The following TAFA2 variants were observed in gnomAD, a reference collection of about 807,000 sequenced individuals.
TAFA2 encodes the protein TAFA chemokine like family member 2, also known as chemokine-like protein TAFA-2.
Under a neutral mutation model 18.8 loss-of-function variants are expected in TAFA2, and 7 were observed. The observed-to-expected ratio is 0.37, with a 90% CI of 0.21 to 0.70. The LOEUF (loss-of-function observed/expected upper bound fraction) is 0.70, where lower values mean the gene tolerates loss of function less well. Among genes scored for constraint, TAFA2 ranks in the 30% least tolerant of loss-of-function variants. The probability of loss-of-function intolerance (pLI) is 0.53; values close to 1 mark genes in which losing one functional copy is unlikely to be tolerated. For missense variants in TAFA2, 122 were observed against 158.1 expected (o/e 0.77, Z 1.23); for synonymous variants, 60 against 54.2 (o/e 1.11, Z -0.47).
intron 1 of TAFA2, among the ~76,000 whole-genome samples, chr12:62,102,420 G>A (rs910769162): frequency 6.6e-6 from 1 of 152,156 alleles, no homozygotes; most frequent in Non-Finnish European, 1.5e-5. Context: ...CATTTATTAA[G>A]ATCAAGTTAA....
intron 4 of TAFA2, among the ~76,000 whole-genome samples, chr12:61,747,997 C>A (rs1449350014): frequency 6.6e-6 from 1 of 151,964 alleles, no homozygotes; most frequent in African/African-American, 2.4e-5. Context: ...TTCAAGTTAG[C>A]AGCGGCTATC....
chr12:61,940,241 C>A (rs979854390), intron 1 of TAFA2, among the ~76,000 whole-genome samples: 12 of 152,134 alleles, frequency 7.9e-5, no homozygotes, highest in Non-Finnish European at 1.8e-4. Flanking sequence ...GCCCAGACAC[C>A]CAGTGCTTGG....
intron 2 of TAFA2, among the ~76,000 whole-genome samples, chr12:61,768,184 C>T (rs946700236): frequency 6.6e-6 from 1 of 151,380 alleles, no homozygotes; most frequent in African/African-American, 2.4e-5. Flanking sequence ...GGGAGAGAAC[C>T]AGGCACACAA....
chr12:61,944,304 A>G (rs1374494113), intron 1 of TAFA2, among the ~76,000 whole-genome samples: 4 of 151,486 alleles, frequency 2.6e-5, no homozygotes, highest in African/African-American at 4.9e-5. Flanking sequence ...CATTCAAAGC[A>G]GTGTGTAGAG....
At chr12:61,756,198 T>C (rs1869259488) in intron 2 of TAFA2, among the ~76,000 whole-genome samples, 1 of 152,118 alleles carries the variant, frequency 6.6e-6, no homozygotes, top group Non-Finnish European at 1.5e-5. Flanking sequence ...CCTCTTATCC[T>C]TCTGTGTGAG....
chr12:62,119,603 C>T (rs1341662463), intron 1 of TAFA2, among the ~76,000 whole-genome samples: 1 of 152,174 alleles, frequency 6.6e-6, no homozygotes, highest in Non-Finnish European at 1.5e-5. Flanking sequence ...TTTGTATTAG[C>T]TCTTTTGAAC....
chr12:62,093,310 C>T (rs938304897), intron 1 of TAFA2, among the ~76,000 whole-genome samples: 1 of 151,904 alleles, frequency 6.6e-6, no homozygotes, highest in Non-Finnish European at 1.5e-5. Context: ...TTGTAAGAGA[C>T]TCTGTGTACA....
At chr12:61,849,081 C>T (rs1484029811) in intron 2 of TAFA2, among the ~76,000 whole-genome samples, 2 of 152,032 alleles carry the variant, frequency 1.3e-5, no homozygotes, top group Non-Finnish European at 2.9e-5. Context: ...TGACCTCAGG[C>T]GATCCACCCT....
chr12:61,844,273 A>T (rs1873311038), intron 2 of TAFA2, among the ~76,000 whole-genome samples: 1 of 152,150 alleles, frequency 6.6e-6, no homozygotes, highest in African/African-American at 2.4e-5. Flanking sequence ...AATAAGATTG[A>T]CATATTTCTA....
Position 61,735,899 on chromosome 12 carries a change from C to T in TAFA2, c.384+17723G>A, listed in dbSNP as rs141873192. 2.6e-3 allele frequency among the ~76,000 whole-genome samples: 388 copies of T among 152,030 alleles called. 4 individuals carry two copies. The highest frequency in any genetic ancestry group is 8.4e-3 in the African/African-American group (349 of 41,456). On this transcript the variant is annotated intron_variant, in intron 4 of 4. Coordinates refer to ENST00000416284, the MANE Select transcript of TAFA2 (RefSeq NM_178539.5). ...TTGTGAGACTGGGGCCATAATCTTT[C>T]CAGAGAAGAATTACATTTGCTTTTG...
chr12:61,728,650 C>T (rs201245889), intron 4 of TAFA2, among the ~76,000 whole-genome samples: 1 of 132,186 alleles, frequency 7.6e-6, no homozygotes, highest in Non-Finnish European at 1.7e-5. Flanking sequence ...TTGAAGACAG[C>T]AGATACTTGG....
chr12:61,815,954 T>C (rs897924110), intron 2 of TAFA2, among the ~76,000 whole-genome samples: 2 of 151,154 alleles, frequency 1.3e-5, no homozygotes, highest in African/African-American at 4.9e-5. Flanking sequence ...AATTATAATA[T>C]AGGAAGGGAG....
intron 2 of TAFA2, among the ~76,000 whole-genome samples, chr12:61,854,916 T>C (rs1873821354): frequency 6.6e-6 from 1 of 152,138 alleles, no homozygotes; most frequent in South Asian, 2.1e-4. Context: ...TGTATCATCA[T>C]ATGTAAGAGA....
At chr12:61,783,362 C>G (rs985666643) in intron 2 of TAFA2, among the ~76,000 whole-genome samples, 1 of 151,604 alleles carries the variant, frequency 6.6e-6, no homozygotes, top group African/African-American at 2.4e-5. Context: ...TTATACAGGA[C>G]AGAATCAACT....
intron 1 of TAFA2, among the ~76,000 whole-genome samples, chr12:62,023,110 A>G (rs1881199747): frequency 6.6e-6 from 1 of 152,242 alleles, no homozygotes; most frequent in Non-Finnish European, 1.5e-5. Flanking sequence ...AAATGAAGCC[A>G]AGAAAGACAG....
chr12:61,936,306 C>T (rs1328712148), intron 1 of TAFA2, among the ~76,000 whole-genome samples: 1 of 152,048 alleles, frequency 6.6e-6, no homozygotes, highest in Non-Finnish European at 1.5e-5. Context: ...GTTGCTAATG[C>T]CTGTAATCCC....
chr12:62,117,998 T>A (rs1870033427), intron 1 of TAFA2, among the ~76,000 whole-genome samples: 1 of 152,130 alleles, frequency 6.6e-6, no homozygotes, highest in Admixed American at 6.6e-5. Flanking sequence ...TTTTTAATAA[T>A]GTGATAAGTA....
intron 2 of TAFA2, among the ~76,000 whole-genome samples, chr12:61,823,035 TA>T (rs1238484168): frequency 2.6e-5 from 4 of 151,424 alleles, no homozygotes; most frequent in African/African-American, 4.9e-5. Context: ...CTCTTTTAGT[TA>T]TTTTTTTATT....
chr12:61,879,121 C>T (rs779551533), intron 1 of TAFA2, among the ~76,000 whole-genome samples: 15 of 152,270 alleles, frequency 9.9e-5, no homozygotes, highest in Middle Eastern at 6.8e-3. Flanking sequence ...TGCAGGGAAA[C>T]GTGATGGCAC....
Sources: gnomAD v4.1 joint callset for allele counts (sites outside exome capture counted in the v4.1 genomes callset) on GRCh38, gnomAD v4.1.1 for gene constraint, MANE v1.5 for transcripts, NCBI Gene and HGNC (gene_info 2026-07-23, HGNC 2026-07-21) for gene names.